The following SHLD1 variants were observed in gnomAD, a reference collection of about 807,000 sequenced individuals.
SHLD1 encodes shieldin complex subunit 1.
A neutral mutation model predicts 5.5 loss-of-function variants in SHLD1; 3 were observed. That is an observed-to-expected ratio of 0.54 (90% CI 0.25 to 1.40). The LOEUF (loss-of-function observed/expected upper bound fraction) is 1.40. Among genes scored for constraint, SHLD1 ranks in the 40% most tolerant of loss-of-function variants. SHLD1 has a pLI of 0.15. For synonymous variants in SHLD1, 92 were observed against 94.3 expected, an observed-to-expected ratio of 0.98 and a Z score of 0.14; for missense variants, 210 against 244.4, an observed-to-expected ratio of 0.86 and a Z score of 0.94.
intron 2 of SHLD1, among the ~76,000 whole-genome samples, chr20:5,837,142 C>T (rs1276850938): frequency 6.6e-6 from 1 of 152,098 alleles, no homozygotes; most frequent in African/African-American, 2.4e-5. Flanking sequence ...GAGGAGCTAT[C>T]GCAACAGGCT....
chr20:5,851,394 G>T (rs1228492206), intron 2 of SHLD1, among the ~76,000 whole-genome samples: 3 of 151,948 alleles, frequency 2.0e-5, no homozygotes, highest in African/African-American at 7.3e-5. Flanking sequence ...AGGAGGCTGA[G>T]GTGGGAGGAT....
At chr20:5,817,918 G>C (rs1366384091) in intron 2 of SHLD1, among the ~76,000 whole-genome samples, 1 of 152,118 alleles carries the variant, frequency 6.6e-6, no homozygotes, top group African/African-American at 2.4e-5. Context: ...CTGCGCTGTG[G>C]TCTAGGAAGT....
At chr20:5,847,892 T>A (rs1296320731) in intron 2 of SHLD1, among the ~76,000 whole-genome samples, 1 of 152,220 alleles carries the variant, frequency 6.6e-6, no homozygotes, top group Non-Finnish European at 1.5e-5. Flanking sequence ...TTGGATGTAT[T>A]TCCGGAGAAA....
chr20:5,757,866 G>A (rs1984209616), intron 1 of SHLD1, among the ~76,000 whole-genome samples: 1 of 152,180 alleles, frequency 6.6e-6, no homozygotes, highest in South Asian at 2.1e-4. Context: ...GCCTCCCAAA[G>A]TACTGGGATT....
At chr20:5,817,420 CTCTCTCTCTCTCTG>C (rs1300966390) in intron 2 of SHLD1, among the ~76,000 whole-genome samples, 7 of 131,520 alleles carry the variant, frequency 5.3e-5, no homozygotes, top group East Asian at 2.0e-4. Flanking sequence ...CTCTCTCTCT[CTCTCTCTCTCTCTG>C]TGTGTGTGTG....
intron 1 of SHLD1, among the ~76,000 whole-genome samples, chr20:5,757,747 T>C (rs1031139520): frequency 6.6e-6 from 1 of 151,806 alleles, no homozygotes; most frequent in African/African-American, 2.4e-5. Flanking sequence ...GGATTACAGG[T>C]GCCCACCACC....
chr20:5,811,690 AC>A (rs1480725872), intron 2 of SHLD1, among the ~76,000 whole-genome samples: 1 of 152,098 alleles, frequency 6.6e-6, no homozygotes, highest in Non-Finnish European at 1.5e-5. Flanking sequence ...CTGTGTCTCT[AC>A]AAAAAAATTT....
In SHLD1 at chr20:5,762,921, C is replaced by T. The variant is rs146315226; in HGVS notation, c.-4-9941C>T. ...CTGGGAGGCGGAGGTTGCAGTGAGCCGAGATCGCGCCGTTGCACTCTAACC... is the reference window on the plus strand; with the variant it reads ...CTGGGAGGCGGAGGTTGCAGTGAGCTGAGATCGCGCCGTTGCACTCTAACC... On this transcript the variant is annotated intron_variant, in intron 1 of 2. Transcript: ENST00000303142. Among the ~76,000 whole-genome samples, 8 of 147,184 alleles carry T rather than the reference C, an allele frequency of 5.4e-5. No homozygotes were observed. In the East Asian group the frequency reaches 8.0e-4, roughly 15 times the overall value.
intron 2 of SHLD1, among the ~76,000 whole-genome samples, chr20:5,774,129 G>A (rs1397782312): frequency 6.6e-6 from 1 of 152,076 alleles, no homozygotes; most frequent in Non-Finnish European, 1.5e-5. Flanking sequence ...GCTTGAACCC[G>A]GAAGGTGGAG....
At chr20:5,803,976 G>A (rs921052047) in intron 2 of SHLD1, among the ~76,000 whole-genome samples, 6 of 151,390 alleles carry the variant, frequency 4.0e-5, no homozygotes, top group Admixed American at 1.3e-4. Flanking sequence ...CTGCCCCTTC[G>A]ATCATTAAGG....
chr20:5,792,878 T>G (rs2087161988), intron 2 of SHLD1, among the ~76,000 whole-genome samples: 1 of 151,954 alleles, frequency 6.6e-6, no homozygotes, highest in African/African-American at 2.4e-5. Context: ...TTTCATCATG[T>G]TGGCCAGGCT....
intron 2 of SHLD1, among the ~76,000 whole-genome samples, chr20:5,804,270 CTA>C (rs747821918): frequency 6.6e-6 from 1 of 150,622 alleles, no homozygotes; most frequent in African/African-American, 2.4e-5. Flanking sequence ...GCCGTACTTA[CTA>C]TATATATATA....
rs1985245059 is a variant in SHLD1, at chr20:5,772,892, C to T, written c.27C>T (p.Gly9=). Residue 9 remains glycine (G), a synonymous_variant, in exon 2 of 3, where the codon GGC becomes GGT. Coordinates refer to ENST00000303142, the MANE Select transcript of SHLD1 (RefSeq NM_152504.4). The stretch of plus-strand genomic sequence containing the variant: ...TGGCAGCCAGGGACGCCACTTCAGG[C>T]AGCCTGTCAGAGGAGAGCAGTGCTT... MAARDATS[G]SLSEESSALD... 6.2e-7 allele frequency: 1 copy of T among 1,613,280 alleles called. No individual in the cohort carries two copies. Among genetic ancestry groups the T allele is most frequent in the East Asian group, 2.2e-5 (1 of 44,866 alleles).
intron 1 of SHLD1, chr20:5,756,863 G>A: frequency 9.8e-6 from 2 of 203,204 alleles, no homozygotes; most frequent in South Asian, 6.0e-5. Flanking sequence ...GATCATATCT[G>A]CTAATAGAGA....
chr20:5,862,893 GA>G, intron 2 of SHLD1, 130 bp from the exon 3 acceptor site: 2 of 780,942 alleles, frequency 2.6e-6, no homozygotes, highest in South Asian at 1.9e-5. Context: ...GAAATCAGCT[GA>G]TATTTCCCAT....
At chr20:5,773,095 C>T (rs571784327) in intron 2 of SHLD1, 52 bp downstream of exon 2, 40 of 1,571,084 alleles carry the variant, frequency 2.5e-5, no homozygotes, top group African/African-American at 1.1e-4. Flanking sequence ...AGCAGCAATA[C>T]GGGTGTGTGA....
In SHLD1 at chr20:5,788,057, A is replaced by C. The variant is rs181244288; in HGVS notation, c.178+15014A>C. On this transcript the variant is annotated intron_variant, in intron 2 of 2. Coordinates refer to ENST00000303142, the MANE Select transcript of SHLD1 (RefSeq NM_152504.4). Reference sequence around the variant, plus strand: ...CCCATCATGAAGAAAGCATGTTCCTAGTGGAGTTGTTTCTTTTTTAGCAAA... The same window carrying C: ...CCCATCATGAAGAAAGCATGTTCCTCGTGGAGTTGTTTCTTTTTTAGCAAA... Among the ~76,000 whole-genome samples, 235 of 152,316 alleles carry C rather than the reference A, an allele frequency of 1.5e-3. 1 individual carries two copies. The highest frequency in any genetic ancestry group is 2.6e-3 in the Non-Finnish European group (176 of 68,018).
chr20:5,784,877 T>C (rs1304033547), intron 2 of SHLD1, among the ~76,000 whole-genome samples: 1 of 152,224 alleles, frequency 6.6e-6, no homozygotes, highest in Non-Finnish European at 1.5e-5. Flanking sequence ...GTACTTTGCC[T>C]GCAGTCACAG....
At chr20:5,787,982 C>T (rs1379993291) in intron 2 of SHLD1, among the ~76,000 whole-genome samples, 3 of 152,124 alleles carry the variant, frequency 2.0e-5, no homozygotes, top group Non-Finnish European at 2.9e-5. Flanking sequence ...AAATGAACAG[C>T]TGTAAGGAGA....
Sources: allele counts gnomAD v4.1 joint callset (sites outside exome capture counted in the v4.1 genomes callset), GRCh38; gene constraint gnomAD v4.1.1; transcripts MANE v1.5; gene names NCBI Gene and HGNC (gene_info 2026-07-23, HGNC 2026-07-21).